The following CLVS1 variants were observed in gnomAD, a reference collection of about 807,000 sequenced individuals.
CLVS1 encodes clavesin-1.
Under a neutral mutation model 33.1 loss-of-function variants are expected in CLVS1, and 10 were observed. The observed-to-expected ratio is 0.30, with a 90% CI of 0.19 to 0.51. The LOEUF (loss-of-function observed/expected upper bound fraction) is 0.51, where lower values mean the gene tolerates loss of function less well. Ranked by LOEUF, CLVS1 falls within the 20% of genes least tolerant of loss-of-function variation. The pLI is 0.97. For synonymous variants in CLVS1, 163 were observed against 166.1 expected, an observed-to-expected ratio of 0.98 and a Z score of 0.14; for missense variants, 343 against 433.4, an observed-to-expected ratio of 0.79 and a Z score of 1.85.
chr8:61,419,488 G>A (rs1294699462), intron 3 of CLVS1, among the ~76,000 whole-genome samples: 2 of 151,954 alleles, frequency 1.3e-5, no homozygotes, highest in Non-Finnish European at 2.9e-5. Context: ...TTCCAAGAGA[G>A]TTGAAGATGC....
intron 5 of CLVS1, among the ~76,000 whole-genome samples, chr8:61,483,685 T>C (rs1049712299): frequency 3.9e-5 from 6 of 152,220 alleles, no homozygotes; most frequent in Non-Finnish European, 7.3e-5. Context: ...TGAACATTGA[T>C]GCAAAAATCC....
At chr8:61,361,449 A>T (rs1317852012) in intron 2 of CLVS1, among the ~76,000 whole-genome samples, 1 of 152,168 alleles carries the variant, frequency 6.6e-6, no homozygotes, top group Non-Finnish European at 1.5e-5. Flanking sequence ...TCCTTTGTAA[A>T]TTAAATACCT....
At chr8:61,489,334 A>G (rs570248022) in intron 5 of CLVS1, among the ~76,000 whole-genome samples, 2 of 152,214 alleles carry the variant, frequency 1.3e-5, no homozygotes, top group Non-Finnish European at 2.9e-5. Flanking sequence ...TTTTTTGTAC[A>G]GTATAGCACA....
At chr8:61,371,408 A>G (rs1260721115) in intron 2 of CLVS1, among the ~76,000 whole-genome samples, 1 of 152,080 alleles carries the variant, frequency 6.6e-6, no homozygotes, top group South Asian at 2.1e-4. Flanking sequence ...TATTAGTTGC[A>G]TAGTTTGCAA....
the CLVS1 span, among the ~76,000 whole-genome samples, chr8:60,994,420 A>G: frequency 1.3e-5 from 2 of 152,382 alleles, no homozygotes; most frequent in African/African-American, 4.8e-5. Flanking sequence ...AAAACTTGGC[A>G]TAAAGCAAGC....
intron 5 of CLVS1, among the ~76,000 whole-genome samples, chr8:61,494,859 TG>T (rs1383420029): frequency 7.2e-5 from 11 of 152,246 alleles, no homozygotes; most frequent in Admixed American, 7.2e-4. Flanking sequence ...AAATGTTTAT[TG>T]TGTGACCAGG....
intron 1 of CLVS1, among the ~76,000 whole-genome samples, chr8:61,098,402 GATATATAT>G (rs59671943): frequency 1.4e-5 from 2 of 143,960 alleles, no homozygotes; most frequent in East Asian, 2.0e-4. Flanking sequence ...TAGGGAAACT[GATATATAT>G]ATATATATAT....
At chr8:60,994,589 C>T in the CLVS1 span, among the ~76,000 whole-genome samples, 2 of 152,264 alleles carry the variant, frequency 1.3e-5, no homozygotes, top group African/African-American at 2.4e-5. Flanking sequence ...AGATCTCTTA[C>T]AACAATGCCT....
intron 5 of CLVS1, among the ~76,000 whole-genome samples, chr8:61,478,129 GAGTGAGTTTCTTA>G: frequency 6.6e-6 from 1 of 152,312 alleles, no homozygotes; most frequent in East Asian, 1.9e-4. Context: ...GAGCGGTTTT[GAGTGAGTTTCTTA>G]ATCCTGAGTT....
chr8:61,218,859 G>C (rs148015075), intron 2 of CLVS1, among the ~76,000 whole-genome samples: 3 of 151,710 alleles, frequency 2.0e-5, no homozygotes, highest in Non-Finnish European at 4.4e-5. Flanking sequence ...CAGGATAACC[G>C]CTTGAACCCG....
chr8:61,440,748 G>T (rs185875744), intron 3 of CLVS1, among the ~76,000 whole-genome samples: 177 of 152,274 alleles, frequency 1.2e-3, no homozygotes, highest in African/African-American at 3.8e-3. Context: ...AGTGTGCTCT[G>T]ATATGAACCT....
At chr8:61,152,963 G>A (rs538056024) in intron 2 of CLVS1, among the ~76,000 whole-genome samples, 5 of 152,118 alleles carry the variant, frequency 3.3e-5, no homozygotes, top group African/African-American at 9.6e-5. Flanking sequence ...TGAGGAATTC[G>A]AGACCAGCCC....
chr8:61,472,831 A>C (rs1817777579), intron 5 of CLVS1, among the ~76,000 whole-genome samples: 2 of 152,086 alleles, frequency 1.3e-5, no homozygotes, highest in Non-Finnish European at 2.9e-5. Flanking sequence ...TAGAAAGGAG[A>C]TAATAATAGA....
intron 3 of CLVS1, among the ~76,000 whole-genome samples, chr8:61,379,805 G>A (rs1813793219): frequency 6.6e-6 from 1 of 152,306 alleles, no homozygotes; most frequent in Non-Finnish European, 1.5e-5. Flanking sequence ...CTCCAGTGAA[G>A]CCTCGGACAT....
At chr8:61,280,769 C>G (rs1455974778) in intron 2 of CLVS1, among the ~76,000 whole-genome samples, 1 of 152,066 alleles carries the variant, frequency 6.6e-6, no homozygotes, top group African/African-American at 2.4e-5. Flanking sequence ...AACTTTAGCC[C>G]TCATAAGTGA....
intron 1 of CLVS1, among the ~76,000 whole-genome samples, chr8:61,063,507 C>G (rs1216275039): frequency 6.6e-6 from 1 of 152,086 alleles, no homozygotes; most frequent in African/African-American, 2.4e-5. Context: ...ACATTGCAAG[C>G]TGTTTGGCCT....
intron 1 of CLVS1, among the ~76,000 whole-genome samples, chr8:61,124,702 C>T (rs1042773092): frequency 1.3e-5 from 2 of 152,172 alleles, no homozygotes; most frequent in African/African-American, 2.4e-5. Context: ...TGCATCCATC[C>T]ACTCATTCCT....
the CLVS1 span, among the ~76,000 whole-genome samples, chr8:60,984,016 C>T: frequency 6.6e-6 from 1 of 152,296 alleles, no homozygotes; most frequent in South Asian, 2.1e-4. Context: ...ACCTGCATTC[C>T]AGCCAGTTGG....
Position 61,191,793 on chromosome 8 carries a change from A to C in CLVS1, c.-152+59933A>C, listed in dbSNP as rs376148307. Among the ~76,000 whole-genome samples the C allele has an allele frequency of 5.4e-4, 83 of 152,298 alleles. 1 individual carries two copies. In the East Asian group the frequency reaches 0.013, roughly 24 times the overall value. On this transcript the variant is annotated intron_variant, in intron 2 of 2. Coordinates refer to the CLVS1 transcript ENST00000522621. ...CATTCACACTTGCTTCAAAGAGAAT[A>C]AAATACCTAGGAATCCAACTTACAA...
Sources: allele counts gnomAD v4.1 joint callset (sites outside exome capture counted in the v4.1 genomes callset), GRCh38; gene constraint gnomAD v4.1.1; transcripts MANE v1.5; gene names NCBI Gene and HGNC (gene_info 2026-07-23, HGNC 2026-07-21).